TOP2B: variants seen among roughly 807,000 people sequenced by gnomAD.
TOP2B encodes the protein DNA topoisomerase 2-beta.
A neutral mutation model predicts 193.5 loss-of-function variants in TOP2B; 51 were observed. That is an observed-to-expected ratio of 0.26 (90% CI 0.21 to 0.33). The LOEUF is 0.33. Ranked by LOEUF, TOP2B falls within the 10% of genes least tolerant of loss-of-function variation. TOP2B has a pLI of 1.00. For synonymous variants in TOP2B, 634 were observed against 635.7 expected, an observed-to-expected ratio of 1.00 and a Z score of 0.04; for missense variants, 1,378 against 1,909.3, an observed-to-expected ratio of 0.72 and a Z score of 5.19.
chr3:25,615,258 ATTTTC>A lies in TOP2B; in HGVS notation c.3533_3537del (p.Arg1178IlefsTer15), dbSNP rs1201119474. 6.2e-7 allele frequency: 1 copy of A among 1,612,458 alleles called. No individual in the cohort carries two copies. The highest frequency in any genetic ancestry group is 8.5e-7 in the Non-Finnish European group (1 of 1,179,014). ...TCCTCTTTCCAAAGATCTGAAGGAG[ATTTTC>A]TTTTAAGATCATTGACCTCTCGCCC... On this transcript the variant is annotated frameshift_variant, in exon 27 of 36. Transcript: ENST00000264331. LOFTEE classifies it high-confidence loss of function.
intron 32 of TOP2B, among the ~76,000 whole-genome samples, chr3:25,605,219 A>G (rs1702205879): frequency 6.6e-6 from 1 of 152,164 alleles, no homozygotes; most frequent in Non-Finnish European, 1.5e-5. Flanking sequence ...TAGTACCTAC[A>G]CAAATAATAC....
In TOP2B at chr3:25,598,306, C is replaced by CTTAA. The variant is rs768658223; in HGVS notation, c.4878_4881dup. ...GAAAAATGTTTGTGCTCTTTGGGCA[C>CTTAA]TTAATTAAACATTGCAAAATCAACA... is the stretch of plus-strand genomic sequence containing the variant. On this transcript the variant is annotated 3_prime_UTR_variant, in exon 36 of 36. Transcript: ENST00000264331. 1.0e-5 allele frequency: 16 copies of CTTAA among 1,601,518 alleles called. No individual in the cohort carries two copies. Among genetic ancestry groups the CTTAA allele is most frequent in the African/African-American group, 6.7e-5 (5 of 74,500 alleles).
In TOP2B at chr3:25,619,946, C is replaced by A; in HGVS notation, c.2979G>T (p.Met993Ile). 6.2e-7 allele frequency: 1 copy of A among 1,613,180 alleles called. No homozygotes were observed. Among genetic ancestry groups the A allele is most frequent in the African/African-American group, 1.3e-5 (1 of 74,964 alleles). ...CTGCTTGTGCTAGTTTCTCTTCAGT[C>A]ATTTTCACCACAAATTTCACAGTTG... is the stretch of plus-strand genomic sequence containing the variant. ...TDTTVKFVVK[M>I]TEEKLAQAEA... Residue 993 changes from methionine to isoleucine, a missense_variant, in exon 23 of 36, where the codon ATG (methionine) becomes ATT (isoleucine). Transcript: ENST00000264331.
chr3:25,622,966 T>C (rs67654415), intron 21 of TOP2B, among the ~76,000 whole-genome samples: 54,762 of 151,984 alleles, frequency 0.36, 10,623 homozygotes, highest in African/African-American at 0.51. Flanking sequence ...TTAGTAGAGA[T>C]GGAGTTTCCC....
rs1702874841 is a variant in TOP2B at position 25,628,704 on chromosome 3, A to G, written c.1906+143T>C. 1.1e-5 allele frequency: 6 copies of G among 569,028 alleles called. No homozygotes were observed. In the Admixed American group the frequency reaches 2.2e-4, roughly 20 times the overall value. 35.2% of individuals were successfully genotyped at this position (569,028 alleles called of 1,614,324 possible). On this transcript the variant is annotated intron_variant, in intron 15 of 35. Coordinates refer to ENST00000264331, the MANE Select transcript of TOP2B (RefSeq NM_001330700.2). ...CTATTACACTATTCTACTTGCATACATTTTTCTATAACAATACTTTAAAAT... is the reference window on the plus strand; with the variant it reads ...CTATTACACTATTCTACTTGCATACGTTTTTCTATAACAATACTTTAAAAT...
chr3:25,652,920 A>G (rs1269490704), intron 1 of TOP2B, among the ~76,000 whole-genome samples: 1 of 152,158 alleles, frequency 6.6e-6, no homozygotes, highest in African/African-American at 2.4e-5. Flanking sequence ...CATAAGAAAA[A>G]AAAGAGATAA....
chr3:25,647,847 G>T (rs962047793), intron 1 of TOP2B, among the ~76,000 whole-genome samples: 9 of 152,156 alleles, frequency 5.9e-5, no homozygotes, highest in African/African-American at 2.2e-4. Flanking sequence ...ATTTGAGTGT[G>T]GTCAGCCAGA....
intron 25 of TOP2B, 35 bp from the exon 26 acceptor site, chr3:25,615,621 G>C: frequency 7.1e-7 from 1 of 1,408,774 alleles, no homozygotes; most frequent in Middle Eastern, 1.9e-4. Flanking sequence ...TTAAAGTCTT[G>C]TATAGTATCA....
chr3:25,658,184 G>A (rs1703809581), intron 1 of TOP2B, among the ~76,000 whole-genome samples: 1 of 151,626 alleles, frequency 6.6e-6, no homozygotes, highest in South Asian at 2.1e-4. Context: ...AGTCGAGACA[G>A]CGCCACTGCA....
chr3:25,607,554 T>C (rs1702265437), intron 30 of TOP2B, among the ~76,000 whole-genome samples, 179 bp from the exon 31 acceptor site: 2 of 152,202 alleles, frequency 1.3e-5, no homozygotes, highest in African/African-American at 4.8e-5. Flanking sequence ...TCTGGTAGTG[T>C]TAATGTCTGT....
chr3:25,640,826 T>C (rs558156724), intron 4 of TOP2B, among the ~76,000 whole-genome samples: 14 of 147,244 alleles, frequency 9.5e-5, no homozygotes, highest in African/African-American at 3.5e-4. Context: ...GGCACAATCA[T>C]GGCTCACTGC....
rs187350468 is a variant in TOP2B, at chr3:25,598,330, C to T, written c.4858G>A (p.Val1620Ile). 7.4e-4 allele frequency: 1,194 copies of T among 1,609,868 alleles called. 6 individuals carry two copies. The highest frequency in any genetic ancestry group is 1.9e-3 in the Admixed American group (112 of 59,398). ...ACTTAATTAAACATTGCAAAATCAA[C>T]ATCATCTTCTTCTTCATCAGACTCT... ...FAESDEEEDD[V>I]DFAMFN The change falls in exon 36 of 36, where the codon GTT becomes ATT. Residue 1620 changes from valine (V) to isoleucine (I), a missense_variant. By Grantham distance (29) the Val-to-Ile change is conservative. Coordinates refer to ENST00000264331, the MANE Select transcript of TOP2B (RefSeq NM_001330700.2).
chr3:25,630,039 A>G lies in TOP2B; in HGVS notation c.1679T>C (p.Met560Thr). ...KTLRYGKIMI[M>T]TDQDQDGSHI... ...AACTTTAAAACCAACCTGATCGGTC[A>G]TAATCATAATCTTTCCATAGCGTAA... The change falls in exon 13 of 36, where the codon ATG becomes ACG. Residue 560 changes from methionine to threonine, a missense_variant. By Grantham distance (81) the Met-to-Thr change is moderately conservative. Coordinates refer to ENST00000264331, the MANE Select transcript of TOP2B (RefSeq NM_001330700.2). The G allele has an allele frequency of 6.2e-7, 1 of 1,603,308 alleles. No individual in the cohort carries two copies. The highest frequency in any genetic ancestry group is 8.5e-7 in the Non-Finnish European group (1 of 1,175,380).
rs1450106021 is a variant in TOP2B, at chr3:25,630,308, A to G, written c.1563+4T>C. ...TACACATATATATACACACACATACATACCTGTTTATGAGAAGCTTCCCGT... is the reference window on the plus strand; with the variant it reads ...TACACATATATATACACACACATACGTACCTGTTTATGAGAAGCTTCCCGT... On this transcript the variant is annotated splice_donor_region_variant and intron_variant, in intron 12 of 35. Transcript: ENST00000264331. 3.2e-6 allele frequency: 5 copies of G among 1,550,960 alleles called. No homozygotes were observed. In the African/African-American group the frequency reaches 5.5e-5, roughly 17 times the overall value.
At chr3:25,635,671 G>C (rs1276519455) in intron 7 of TOP2B, among the ~76,000 whole-genome samples, 8 of 152,032 alleles carry the variant, frequency 5.3e-5, no homozygotes, top group Non-Finnish European at 1.2e-4. Context: ...AGTGGAAGTA[G>C]AGTGAATAAA....
chr3:25,604,911 A>AT, intron 32 of TOP2B, 41 bp from the exon 33 acceptor site: 5 of 1,430,040 alleles, frequency 3.5e-6, no homozygotes, highest in Non-Finnish European at 4.9e-6. Context: ...GAGATGTTAT[A>AT]AAGATCTCTC....
In TOP2B at chr3:25,638,202, T is replaced by C; in HGVS notation, c.504A>G (p.Thr168=). The part of the protein sequence containing the change: ...VPALIFGQLL[T]SSNYDDDEKK... Reference sequence around the variant, plus strand: ...TCTCATCATCATCATAGTTACTGGATGTTAAAAGCTGTCCAAAAATTAAAG... The same window carrying C: ...TCTCATCATCATCATAGTTACTGGACGTTAAAAGCTGTCCAAAAATTAAAG... The change falls in exon 5 of 36, where the codon ACA becomes ACG. Residue 168 remains threonine (T), a synonymous_variant. Coordinates refer to ENST00000264331, the MANE Select transcript of TOP2B (RefSeq NM_001330700.2). 6.4e-7 allele frequency: 1 copy of C among 1,563,844 alleles called. No homozygotes were observed. The highest frequency in any genetic ancestry group is 8.7e-7 in the Non-Finnish European group (1 of 1,152,704).
chr3:25,631,324 G>A (rs112579225), intron 10 of TOP2B, among the ~76,000 whole-genome samples: 10 of 152,108 alleles, frequency 6.6e-5, no homozygotes, highest in East Asian at 3.9e-4. Context: ...AATACAAAAC[G>A]TGAGTCTTTA....
chr3:25,613,746 A>C (rs1028973278), intron 27 of TOP2B, among the ~76,000 whole-genome samples: 2 of 152,084 alleles, frequency 1.3e-5, no homozygotes, highest in Non-Finnish European at 2.9e-5. Context: ...AAAACAAAAA[A>C]GCCAGATAAT....
Sources: allele counts gnomAD v4.1 joint callset (sites outside exome capture counted in the v4.1 genomes callset), GRCh38; gene constraint gnomAD v4.1.1; transcripts MANE v1.5; gene names NCBI Gene and HGNC (gene_info 2026-07-23, HGNC 2026-07-21).